The following SLC16A2 variants were observed in gnomAD, a reference collection of about 807,000 sequenced individuals.
SLC16A2 encodes monocarboxylate transporter 8.
SLC16A2 carries 3 observed loss-of-function variants against 27.2 expected under a neutral mutation model. That is an observed-to-expected ratio of 0.11 (90% CI 0.05 to 0.28). The LOEUF is 0.28. Ranked by LOEUF, SLC16A2 falls within the 10% of genes least tolerant of loss-of-function variation. SLC16A2 has a pLI of 1.00. For synonymous variants in SLC16A2, 202 were observed against 187.8 expected, an observed-to-expected ratio of 1.08 and a Z score of -0.62; for missense variants, 295 against 458.5, an observed-to-expected ratio of 0.64 and a Z score of 3.26.
chrX:74,426,344 T>C (rs954152986), intron 1 of SLC16A2, among the ~76,000 whole-genome samples: 1 of 111,862 alleles, frequency 8.9e-6, no homozygotes, highest in East Asian at 2.8e-4. Context: ...CCAAATGGGA[T>C]CTTGAACTAT....
At chrX:74,435,510 TGC>T (rs1388443024) in intron 1 of SLC16A2, among the ~76,000 whole-genome samples, 1 of 91,244 alleles carries the variant, frequency 1.1e-5, no homozygotes, top group Admixed American at 1.3e-4. Flanking sequence ...TATATGTATA[TGC>T]ATATATATAT....
At chrX:74,497,241 T>G (rs1774793776) in intron 1 of SLC16A2, among the ~76,000 whole-genome samples, 1 of 111,734 alleles carries the variant, frequency 8.9e-6, no homozygotes, top group Admixed American at 9.5e-5. Context: ...CTTGTATCAT[T>G]TAAAGGGACC....
At chrX:74,468,714 A>G (rs141097275) in intron 1 of SLC16A2, among the ~76,000 whole-genome samples, 1,823 of 112,080 alleles carry the variant, frequency 0.016, 18 homozygotes, top group South Asian at 0.037. Flanking sequence ...TAATAGTTGC[A>G]CTATTTATGG....
At chrX:74,430,545 T>C (rs1443492194) in intron 1 of SLC16A2, among the ~76,000 whole-genome samples, 1 of 112,236 alleles carries the variant, frequency 8.9e-6, no homozygotes, top group Non-Finnish European at 1.9e-5. Context: ...TCATAATTCT[T>C]GAGTCCAAAA....
At chrX:74,480,858 T>G (rs1929603663) in intron 1 of SLC16A2, among the ~76,000 whole-genome samples, 1 of 112,203 alleles carries the variant, frequency 8.9e-6, no homozygotes, top group African/African-American at 3.2e-5. Flanking sequence ...ATATTAGCCT[T>G]GGGATTTTCA....
intron 1 of SLC16A2, among the ~76,000 whole-genome samples, chrX:74,515,175 A>G (rs1413275206): frequency 8.9e-6 from 1 of 112,225 alleles, no homozygotes; most frequent in Non-Finnish European, 1.9e-5. Context: ...TGAAAAAAAT[A>G]CTAAGTCTCA....
rs1928308991 is a variant in SLC16A2, at chrX:74,421,969, A to G, written c.332A>G (p.Asn111Ser). 5.0e-6 allele frequency: 6 copies of G among 1,210,935 alleles called. No individual in the cohort carries two copies. Among genetic ancestry groups the G allele is most frequent in the Non-Finnish European group, 6.7e-6 (6 of 895,327 alleles). ...GTGGTGTTCGCTGCCACCTGGTGCA[A>G]CGGCTCCATCTTCGGCATCCATAAC... Reference protein sequence around the residue: ...WVVVFAATWCNGSIFGIHNSV... With the variant: ...WVVVFAATWCSGSIFGIHNSV... Residue 111 changes from asparagine to serine, a missense_variant, in exon 1 of 6, where the codon AAC becomes AGC. Coordinates refer to ENST00000587091, the MANE Select transcript of SLC16A2 (RefSeq NM_006517.5).
Position 74,533,201 on chromosome X carries a change from C to T in SLC16A2, c.*1648C>T, listed in dbSNP as rs1460575622. The T allele has an allele frequency of 2.7e-5, 3 of 112,172 alleles. No homozygotes were observed. In the Admixed American group the frequency reaches 2.8e-4, roughly 11 times the overall value. 9.2% of individuals were successfully genotyped at this position (112,172 alleles called of 1,213,427 possible). On this transcript the variant is annotated 3_prime_UTR_variant, in exon 6 of 6. Transcript: ENST00000587091. ...AGGAGGATGAGGTTGTCCTGAGGGG[C>T]TCCAAAGAAGACAATAGTTCCCACT...
intron 1 of SLC16A2, among the ~76,000 whole-genome samples, chrX:74,513,344 T>C (rs1326134501): frequency 1.8e-5 from 2 of 111,922 alleles, no homozygotes; most frequent in East Asian, 5.6e-4. Context: ...ATCTCTTTCT[T>C]TGTCTTCCCC....
At chrX:74,474,907 C>G (rs1327535458) in intron 1 of SLC16A2, among the ~76,000 whole-genome samples, 10 of 110,604 alleles carry the variant, frequency 9.0e-5, no homozygotes, top group Non-Finnish European at 1.9e-4. Flanking sequence ...GGTTCCAAGT[C>G]TTTGCTATTG....
intron 1 of SLC16A2, chrX:74,473,117 G>A (rs1929389249): frequency 1.2e-5 from 7 of 566,027 alleles, no homozygotes; most frequent in East Asian, 3.3e-5. Flanking sequence ...CACCATAGGG[G>A]CCAGAGCTTC....
At chrX:74,490,808 A>T in intron 1 of SLC16A2, among the ~76,000 whole-genome samples, 1 of 112,319 alleles carries the variant, frequency 8.9e-6, no homozygotes, top group Non-Finnish European at 1.9e-5. Flanking sequence ...CCAAACTGAG[A>T]TTAATTTTGG....
intron 1 of SLC16A2, among the ~76,000 whole-genome samples, chrX:74,455,856 G>A (rs1929034754): frequency 9.0e-6 from 1 of 111,501 alleles, no homozygotes; most frequent in Admixed American, 9.6e-5. Flanking sequence ...TGAATATTTG[G>A]CTACTGCTCT....
chrX:74,489,127 C>T (rs184543112), intron 1 of SLC16A2, among the ~76,000 whole-genome samples: 42 of 111,672 alleles, frequency 3.8e-4, no homozygotes, highest in Admixed American at 3.3e-3. Flanking sequence ...AGTTACTTCC[C>T]GGTTAACCAT....
chrX:74,464,452 T>G (rs1385169215), intron 1 of SLC16A2, among the ~76,000 whole-genome samples: 1 of 111,842 alleles, frequency 8.9e-6, no homozygotes, highest in Non-Finnish European at 1.9e-5. Flanking sequence ...CCCCAAGCAT[T>G]GTGAATAGGT....
chrX:74,458,370 CAG>C (rs1340535838), intron 1 of SLC16A2, among the ~76,000 whole-genome samples: 1 of 111,549 alleles, frequency 9.0e-6, no homozygotes, highest in Non-Finnish European at 1.9e-5. Context: ...CTTTTTGAGT[CAG>C]AGTTTCGCTC....
At chrX:74,495,116 G>C (rs1057099553) in intron 1 of SLC16A2, among the ~76,000 whole-genome samples, 1 of 111,960 alleles carries the variant, frequency 8.9e-6, no homozygotes, top group Non-Finnish European at 1.9e-5. Context: ...CTAAATATCT[G>C]TGCCCCACAC....
At chrX:74,476,618 C>T (rs1929484818) in intron 1 of SLC16A2, among the ~76,000 whole-genome samples, 1 of 111,785 alleles carries the variant, frequency 8.9e-6, no homozygotes, top group African/African-American at 3.3e-5. Context: ...GTGGGTTTGT[C>T]ATAAATAGCT....
chrX:74,422,981 G>C (rs1928338422), intron 1 of SLC16A2, among the ~76,000 whole-genome samples: 1 of 113,270 alleles, frequency 8.8e-6, no homozygotes. Context: ...CCCTGGAGCT[G>C]ACTTGATCTC....
Sources: gnomAD v4.1 joint callset for allele counts (sites outside exome capture counted in the v4.1 genomes callset) on GRCh38, gnomAD v4.1.1 for gene constraint, MANE v1.5 for transcripts, NCBI Gene and HGNC (gene_info 2026-07-23, HGNC 2026-07-21) for gene names.